Variants in BACH2 observed in about 807,000 individuals in gnomAD.
The protein encoded by BACH2 is BACH transcriptional regulator 2, also known as transcription regulator protein BACH2.
In BACH2, 5 loss-of-function variants were observed where a neutral mutation model predicts 61.8. The ratio of observed to expected loss-of-function variants is 0.08; its 90% CI spans 0.04 to 0.17. The LOEUF (loss-of-function observed/expected upper bound fraction) is 0.17, where lower values mean the gene tolerates loss of function less well. BACH2 is among the 10% of genes least tolerant of loss of function. The probability of loss-of-function intolerance (pLI) is 1.00; values close to 1 mark genes in which losing one functional copy is unlikely to be tolerated. For missense variants in BACH2, 824 were observed against 1,091.1 expected (o/e 0.76, Z 3.45); for synonymous variants, 446 against 440.1 (o/e 1.01, Z -0.17).
intron 5 of BACH2, among the ~76,000 whole-genome samples, chr6:90,073,211 G>C (rs1464922776): frequency 6.6e-6 from 1 of 152,192 alleles, no homozygotes; most frequent in African/African-American, 2.4e-5. Context: ...AGGTTAGAAG[G>C]CATGTTTACT....
chr6:90,175,580 G>A lies in BACH2; in HGVS notation c.-162+30989C>T, dbSNP rs374818912. Among the ~76,000 whole-genome samples the A allele has an allele frequency of 5.3e-5, 8 of 152,114 alleles. No homozygotes were observed. The East Asian group carries it at 5.8e-4, about 11-fold the overall frequency. ...TTTTCAAAATTCTCAGTGTTGGGGCGGTGGGGGGTGAGTGGCTGGGGGTTG... is the reference window on the plus strand; with the variant it reads ...TTTTCAAAATTCTCAGTGTTGGGGCAGTGGGGGGTGAGTGGCTGGGGGTTG... On this transcript the variant is annotated intron_variant, in intron 4 of 8. Transcript: ENST00000257749.
At chr6:89,942,811 C>T (rs1415051123) in intron 7 of BACH2, among the ~76,000 whole-genome samples, 1 of 152,162 alleles carries the variant, frequency 6.6e-6, no homozygotes, top group Non-Finnish European at 1.5e-5. Context: ...CCACAGTTGG[C>T]ACAATAAGCT....
chr6:90,255,974 G>T (rs1278211289), intron 2 of BACH2, among the ~76,000 whole-genome samples: 1 of 152,126 alleles, frequency 6.6e-6, no homozygotes, highest in Non-Finnish European at 1.5e-5. Flanking sequence ...ACACTGAAAA[G>T]ACATTTTCCA....
chr6:89,977,596 T>A (rs1775722502), intron 6 of BACH2, among the ~76,000 whole-genome samples: 1 of 152,252 alleles, frequency 6.6e-6, no homozygotes, highest in Non-Finnish European at 1.5e-5. Flanking sequence ...TTTAAAGCAG[T>A]GTACCATGTA....
intron 3 of BACH2, among the ~76,000 whole-genome samples, chr6:90,233,940 CG>C (rs1770180519): frequency 6.6e-6 from 1 of 152,184 alleles, no homozygotes; most frequent in Non-Finnish European, 1.5e-5. Flanking sequence ...CCCTCACTGT[CG>C]GCATGTTCAG....
intron 4 of BACH2, among the ~76,000 whole-genome samples, chr6:90,140,683 G>T (rs575512113): frequency 6.6e-6 from 1 of 152,242 alleles, no homozygotes; most frequent in Admixed American, 6.5e-5. Flanking sequence ...AGACATATGA[G>T]GTGGAGGAAG....
chr6:90,126,963 CCT>C (rs772356695), intron 4 of BACH2, among the ~76,000 whole-genome samples: 72 of 152,314 alleles, frequency 4.7e-4, no homozygotes, highest in Non-Finnish European at 4.6e-4. Flanking sequence ...GAGGAGGCAG[CCT>C]CTGTTTCCTT....
chr6:90,260,243 G>A (rs1582542819), intron 2 of BACH2, among the ~76,000 whole-genome samples: 1 of 152,002 alleles, frequency 6.6e-6, no homozygotes, highest in African/African-American at 2.4e-5. Context: ...CTGGTATATT[G>A]TGTTTCCGTT....
intron 5 of BACH2, among the ~76,000 whole-genome samples, chr6:90,080,226 C>A (rs551869575): frequency 3.9e-5 from 6 of 152,100 alleles, no homozygotes; most frequent in Non-Finnish European, 7.4e-5. Flanking sequence ...TAAAACAGAG[C>A]GGGCTGTGAG....
At chr6:90,227,171 T>C in intron 3 of BACH2, among the ~76,000 whole-genome samples, 1 of 152,244 alleles carries the variant, frequency 6.6e-6, no homozygotes, top group East Asian at 1.9e-4. Context: ...GTGAATAACA[T>C]TTTCAAAGTG....
chr6:90,189,495 C>A (rs548252249), intron 4 of BACH2, among the ~76,000 whole-genome samples: 24 of 151,748 alleles, frequency 1.6e-4, no homozygotes, highest in Admixed American at 1.3e-3. Context: ...GTAGTCCCAG[C>A]TACTCGGGAG....
Position 90,022,976 on chromosome 6 carries a change from G to A in BACH2, c.-12-14120C>T, listed in dbSNP as rs143384315. On this transcript the variant is annotated intron_variant, in intron 5 of 8. Transcript: ENST00000257749. ...ACTGGAAACAACATCATGTCTATCC[G>A]TAGCAGAATGCAGAAATACACTGAG... 1.0e-3 allele frequency among the ~76,000 whole-genome samples: 159 copies of A among 152,244 alleles called. 1 individual carries two copies. The highest frequency in any genetic ancestry group is 1.8e-3 in the Non-Finnish European group (123 of 68,020).
intron 5 of BACH2, among the ~76,000 whole-genome samples, chr6:90,028,845 C>G (rs975003646): frequency 6.6e-6 from 1 of 152,222 alleles, no homozygotes; most frequent in East Asian, 1.9e-4. Context: ...AGACACTTAA[C>G]TTTTCCGTGC....
intron 5 of BACH2, among the ~76,000 whole-genome samples, chr6:90,029,631 C>G (rs773461685): frequency 2.3e-4 from 35 of 152,218 alleles, no homozygotes; most frequent in Admixed American, 7.2e-4. Context: ...AGCCGCAGAA[C>G]TTCAAAGTGC....
chr6:90,063,706 A>C (rs763119852), intron 5 of BACH2, among the ~76,000 whole-genome samples: 3 of 152,218 alleles, frequency 2.0e-5, no homozygotes, highest in Non-Finnish European at 4.4e-5. Context: ...TAAAATGGGA[A>C]TACTACTACC....
At chr6:90,075,633 T>C (rs1781442783) in intron 5 of BACH2, among the ~76,000 whole-genome samples, 1 of 152,134 alleles carries the variant, frequency 6.6e-6, no homozygotes. Context: ...ATTATTATCG[T>C]AACTGCAATC....
At position 90,222,672 on chromosome 6, in the gene BACH2, C is replaced by A. The variant is rs376312414; in HGVS notation, c.-274-15991G>T. ...TCCTCTTCAAAGAACCAATATGGTA[C>A]GTTCAGCATGTTCAGCTCTCCTGTT... On this transcript the variant is annotated intron_variant, in intron 3 of 8. Coordinates refer to ENST00000257749, the MANE Select transcript of BACH2 (RefSeq NM_021813.4). Among the ~76,000 whole-genome samples, 245 of 152,258 alleles carry A rather than the reference C, an allele frequency of 1.6e-3. 1 individual carries two copies. The highest frequency in any genetic ancestry group is 5.6e-3 in the African/African-American group (231 of 41,562).
intron 4 of BACH2, among the ~76,000 whole-genome samples, chr6:90,153,991 T>A (rs904348389): frequency 6.6e-6 from 1 of 152,234 alleles, no homozygotes; most frequent in Admixed American, 6.5e-5. Context: ...ATTTTGATTA[T>A]GGTCATTGGA....
At chr6:89,995,909 T>C (rs1411103399) in intron 6 of BACH2, among the ~76,000 whole-genome samples, 2 of 152,232 alleles carry the variant, frequency 1.3e-5, no homozygotes, top group South Asian at 2.1e-4. Context: ...GGGGCTTAAA[T>C]ATGTTCCAAA....
Sources: gnomAD v4.1 joint callset for allele counts (sites outside exome capture counted in the v4.1 genomes callset) on GRCh38, gnomAD v4.1.1 for gene constraint, MANE v1.5 for transcripts, NCBI Gene and HGNC (gene_info 2026-07-23, HGNC 2026-07-21) for gene names.